Variants in TMEM263 observed in about 807,000 individuals in gnomAD.
TMEM263 encodes the protein UPF0444 transmembrane protein C12orf23.
A neutral mutation model predicts 8.6 loss-of-function variants in TMEM263; 5 were observed. That is an observed-to-expected ratio of 0.58 (90% CI 0.31 to 1.23). The LOEUF is 1.23. Among genes scored for constraint, TMEM263 ranks in the 50% most tolerant of loss-of-function variants. TMEM263 has a pLI of 0.07. For synonymous variants in TMEM263, 50 were observed against 47.9 expected (o/e 1.04, Z -0.18); for missense variants, 104 against 138.8 (o/e 0.75, Z 1.26).
Position 106,957,165 on chromosome 12 carries a change from CGTGTGTGTGT to C in TMEM263, c.-7+53_-7+62del, listed in dbSNP as rs55948879. The stretch of plus-strand genomic sequence containing the variant: ...ACACCAACAGGTAAACGCGCGCGCC[CGTGTGTGTGT>C]GTGTGTGTGTGTGTGTGTGTGTGTG... On this transcript the variant is annotated intron_variant, in intron 2 of 3. Coordinates refer to ENST00000280756, the MANE Select transcript of TMEM263 (RefSeq NM_152261.4). 62,103 of 847,216 alleles carry C rather than the reference CGTGTGTGTGT, an allele frequency of 0.073. 1,749 individuals carry two copies. The highest frequency in any genetic ancestry group is 0.15 in the South Asian group (2,844 of 18,732). 52.5% of individuals were successfully genotyped at this position (847,216 alleles called of 1,614,324 possible).
At chr12:106,962,034 T>G (rs1289329105) in intron 2 of TMEM263, among the ~76,000 whole-genome samples, 7 of 152,224 alleles carry the variant, frequency 4.6e-5, no homozygotes, top group Non-Finnish European at 1.0e-4. Context: ...TGTATTTTTC[T>G]TTAATTATAA....
At chr12:106,967,508 G>C (rs1440571728) in intron 3 of TMEM263, 1 of 184,442 alleles carries the variant, frequency 5.4e-6, no homozygotes, top group African/African-American at 2.4e-5. Flanking sequence ...TGATCCACCT[G>C]CCTCGGCCTC....
rs556643302 is a variant in TMEM263, at chr12:106,962,434, A to G, written c.-6-4677A>G. On this transcript the variant is annotated intron_variant, in intron 2 of 3. Coordinates refer to ENST00000280756, the MANE Select transcript of TMEM263 (RefSeq NM_152261.4). ...CCTATAAATTCCTCTCTTGCGTTCC[A>G]TGAGGCTGTACTCATTTGTTCATTT... Among the ~76,000 whole-genome samples, 12 of 152,342 alleles carry G rather than the reference A, an allele frequency of 7.9e-5. No individual in the cohort carries two copies. In the East Asian group the frequency reaches 2.1e-3, roughly 27 times the overall value.
intron 2 of TMEM263, among the ~76,000 whole-genome samples, chr12:106,966,718 T>C (rs2136771250): frequency 6.6e-6 from 1 of 152,212 alleles, no homozygotes; most frequent in East Asian, 1.9e-4. Context: ...TTTAAGTCTA[T>C]TGTGAAATAA....
chr12:106,968,655 G>GC (rs1951876562), intron 3 of TMEM263, among the ~76,000 whole-genome samples: 1 of 152,168 alleles, frequency 6.6e-6, no homozygotes, highest in African/African-American at 2.4e-5. Context: ...AATCTGCAAA[G>GC]CAGATAATTT....
At chr12:106,964,892 A>G (rs1951823957) in intron 2 of TMEM263, among the ~76,000 whole-genome samples, 1 of 152,194 alleles carries the variant, frequency 6.6e-6, no homozygotes, top group Admixed American at 6.5e-5. Flanking sequence ...GGCCTAGATT[A>G]TTGAAGTTGT....
At chr12:106,965,072 A>G (rs966939631) in intron 2 of TMEM263, among the ~76,000 whole-genome samples, 10 of 147,110 alleles carry the variant, frequency 6.8e-5, no homozygotes, top group South Asian at 2.1e-4. Flanking sequence ...TCAAGGGCCT[A>G]TGTTGATCCA....
intron 2 of TMEM263, among the ~76,000 whole-genome samples, chr12:106,963,966 T>G (rs1566223432): frequency 1.3e-5 from 2 of 152,188 alleles, no homozygotes; most frequent in Non-Finnish European, 2.9e-5. Flanking sequence ...TGTATGGGTA[T>G]ATGTAATTTC....
At position 106,971,200 on chromosome 12, in the gene TMEM263, A is replaced by T. The variant is rs1482732168; in HGVS notation, c.160A>T (p.Ile54Phe). The change falls in exon 4 of 4, where the codon ATT (isoleucine) becomes TTT (phenylalanine). Residue 54 changes from isoleucine (I) to phenylalanine (F), a missense_variant. By Grantham distance (21) the Ile-to-Phe change is conservative (BLOSUM62 0). Transcript: ENST00000280756. Reference sequence around the variant, plus strand: ...TACAAAGGGAGCTGTTGGTGCCACCATTGGTGGTGTGGCTTGGATTGGTGG... The same window carrying T: ...TACAAAGGGAGCTGTTGGTGCCACCTTTGGTGGTGTGGCTTGGATTGGTGG... ...SVTKGAVGAT[I>F]GGVAWIGGKS... 1.2e-6 allele frequency: 2 copies of T among 1,614,076 alleles called. No individual in the cohort carries two copies. Among genetic ancestry groups the T allele is most frequent in the East Asian group, 4.5e-5 (2 of 44,896 alleles).
In TMEM263 at chr12:106,971,325, A is replaced by G; in HGVS notation, c.285A>G (p.Thr95=). 1 of 1,614,182 alleles carries G rather than the reference A, an allele frequency of 6.2e-7. No individual in the cohort carries two copies. The highest frequency in any genetic ancestry group is 8.5e-7 in the Non-Finnish European group (1 of 1,180,028). Residue 95 remains threonine, a synonymous_variant, in exon 4 of 4, where the codon ACA becomes ACG. Transcript: ENST00000280756. Reference sequence around the variant, plus strand: ...TCTCTGCTGTGGCTGGAGGTGTTACAGCTGTTGGGTCTGCTGTTGTAAACA... The same window carrying G: ...TCTCTGCTGTGGCTGGAGGTGTTACGGCTGTTGGGTCTGCTGTTGTAAACA... ...GGVSAVAGGV[T]AVGSAVVNKV...
chr12:106,964,081 C>T (rs1237620829), intron 2 of TMEM263, among the ~76,000 whole-genome samples: 1 of 152,044 alleles, frequency 6.6e-6, no homozygotes, highest in Non-Finnish European at 1.5e-5. Context: ...ACTGAGATTA[C>T]CATGATGAAC....
chr12:106,963,569 A>C (rs902036495), intron 2 of TMEM263, among the ~76,000 whole-genome samples: 1 of 152,212 alleles, frequency 6.6e-6, no homozygotes, highest in African/African-American at 2.4e-5. Flanking sequence ...GGACTACTAA[A>C]GTAGCCACTT....
intron 2 of TMEM263, among the ~76,000 whole-genome samples, chr12:106,963,497 A>C (rs1375351183): frequency 6.6e-6 from 1 of 152,222 alleles, no homozygotes; most frequent in African/African-American, 2.4e-5. Context: ...ATTTTGTCCA[A>C]AGCATTTATT....
intron 3 of TMEM263, 81 bp downstream of exon 3, chr12:106,967,261 A>AT: frequency 1.0e-6 from 1 of 982,976 alleles, no homozygotes; most frequent in Non-Finnish European, 1.5e-6. Flanking sequence ...TACTTATTTT[A>AT]TTTTATTTTT....
At chr12:106,959,604 C>T (rs1951742452) in intron 2 of TMEM263, among the ~76,000 whole-genome samples, 2 of 152,162 alleles carry the variant, frequency 1.3e-5, no homozygotes, top group African/African-American at 2.4e-5. Context: ...ATTTACCTTT[C>T]AGAGTTTTAG....
At position 106,972,485 on chromosome 12, in the gene TMEM263, G is replaced by T. The variant is rs1339779238; in HGVS notation, c.*1094G>T. ...TAAATGGAATGGAATGAGCTCCATA[G>T]ATTAGTTTTGAATATAAAGTATATA... On this transcript the variant is annotated 3_prime_UTR_variant, in exon 4 of 4. Coordinates refer to ENST00000280756, the MANE Select transcript of TMEM263 (RefSeq NM_152261.4). 6.6e-6 allele frequency: 1 copy of T among 152,114 alleles called. No individual in the cohort carries two copies. The highest frequency in any genetic ancestry group is 6.5e-5 in the Admixed American group (1 of 15,274). The allele number at this position is 152,114 out of a possible 1,614,324, so 9.4% of individuals were successfully genotyped here.
Position 106,971,317 on chromosome 12 carries a change from G to A in TMEM263, c.277G>A (p.Gly93Ser), listed in dbSNP as rs1338564141. 6.2e-7 allele frequency: 1 copy of A among 1,614,140 alleles called. No homozygotes were observed. The highest frequency in any genetic ancestry group is 2.2e-5 in the East Asian group (1 of 44,882). ...AGGGGGTGTCTCTGCTGTGGCTGGA[G>A]GTGTTACAGCTGTTGGGTCTGCTGT... ...VKGGVSAVAGGVTAVGSAVVN... is the reference protein window; with the variant it reads ...VKGGVSAVAGSVTAVGSAVVN... The change falls in exon 4 of 4, where the codon GGT (glycine) becomes AGT (serine). Residue 93 changes from glycine to serine, a missense_variant. Transcript: ENST00000280756.
chr12:106,960,075 C>T (rs953799245), intron 2 of TMEM263, among the ~76,000 whole-genome samples: 1 of 152,074 alleles, frequency 6.6e-6, no homozygotes, highest in Non-Finnish European at 1.5e-5. Flanking sequence ...TGCCCTGTCA[C>T]CCAGGCTGGA....
At chr12:106,969,323 G>A (rs187121398) in intron 3 of TMEM263, among the ~76,000 whole-genome samples, 120 of 152,290 alleles carry the variant, frequency 7.9e-4, no homozygotes, top group African/African-American at 2.6e-3. Context: ...TACGTACCCA[G>A]TAATTTACCC....
Sources: allele counts gnomAD v4.1 joint callset (sites outside exome capture counted in the v4.1 genomes callset), GRCh38; gene constraint gnomAD v4.1.1; transcripts MANE v1.5; gene names NCBI Gene and HGNC (gene_info 2026-07-23, HGNC 2026-07-21).